The following SNAP25 variants were observed in gnomAD, a reference collection of about 807,000 sequenced individuals.
SNAP25 encodes synaptosomal-associated protein 25.
SNAP25 carries 3 observed loss-of-function variants against 28.7 expected under a neutral mutation model. The ratio of observed to expected loss-of-function variants is 0.10; its 90% CI spans 0.05 to 0.27. The LOEUF (loss-of-function observed/expected upper bound fraction) is 0.27, where lower values mean the gene tolerates loss of function less well. Among genes scored for constraint, SNAP25 ranks in the 10% least tolerant of loss-of-function variants. The probability of loss-of-function intolerance (pLI) is 1.00; values close to 1 mark genes in which losing one functional copy is unlikely to be tolerated. For missense variants in SNAP25, 117 were observed against 278.7 expected (o/e 0.42, Z 4.13); for synonymous variants, 61 against 88.1 (o/e 0.69, Z 1.72).
intron 1 of SNAP25, among the ~76,000 whole-genome samples, chr20:10,256,623 T>C (rs2063323078): frequency 6.6e-6 from 1 of 152,230 alleles, no homozygotes; most frequent in African/African-American, 2.4e-5. Context: ...TTATTTTCTT[T>C]GACCTGTAAA....
chr20:10,270,355 A>T (rs1011956423), intron 1 of SNAP25, among the ~76,000 whole-genome samples: 6 of 152,154 alleles, frequency 3.9e-5, no homozygotes, highest in African/African-American at 1.4e-4. Context: ...GAGCTACTCA[A>T]CGTGTGCTCT....
At chr20:10,230,573 C>T (rs1488328736) in intron 1 of SNAP25, among the ~76,000 whole-genome samples, 1 of 152,124 alleles carries the variant, frequency 6.6e-6, no homozygotes, top group Admixed American at 6.5e-5. Flanking sequence ...GAATCTGAAA[C>T]TCTAGGGCGA....
chr20:10,306,394 A>G lies in SNAP25; in HGVS notation c.*197A>G. On this transcript the variant is annotated 3_prime_UTR_variant, in exon 8 of 8. Coordinates refer to ENST00000254976, the MANE Select transcript of SNAP25 (RefSeq NM_130811.4). ...TTCTCTCTTGGTCTCTTTCTTTCCA[A>G]AGGTTGTACATAGTGGTCATTTGGT... 2.0e-6 allele frequency: 1 copy of G among 511,208 alleles called. No homozygotes were observed. The highest frequency in any genetic ancestry group is 3.5e-6 in the Non-Finnish European group (1 of 283,084). 31.7% of individuals were successfully genotyped at this position (511,208 alleles called of 1,614,324 possible).
chr20:10,254,428 C>T (rs2063284026), intron 1 of SNAP25, among the ~76,000 whole-genome samples: 1 of 152,182 alleles, frequency 6.6e-6, no homozygotes, highest in Admixed American at 6.5e-5. Flanking sequence ...CCTTCCTGAT[C>T]TCCCCCCAGA....
intron 1 of SNAP25, among the ~76,000 whole-genome samples, chr20:10,249,687 T>C (rs2063190828): frequency 6.6e-6 from 1 of 152,116 alleles, no homozygotes; most frequent in Non-Finnish European, 1.5e-5. Context: ...ATAGAAATGC[T>C]GATTCTAAAC....
intron 1 of SNAP25, among the ~76,000 whole-genome samples, chr20:10,244,157 A>G (rs1368763015): frequency 1.3e-5 from 2 of 152,212 alleles, no homozygotes; most frequent in Non-Finnish European, 2.9e-5. Context: ...GGTTTTGACT[A>G]TGGTGCAAAC....
At chr20:10,299,857 T>G (rs6108463) in intron 7 of SNAP25, among the ~76,000 whole-genome samples, 3 of 152,060 alleles carry the variant, frequency 2.0e-5, no homozygotes, top group African/African-American at 7.2e-5. Context: ...AATCTCAGAA[T>G]AAGTTGACTT....
chr20:10,287,038 G>A (rs144788996), intron 4 of SNAP25, among the ~76,000 whole-genome samples: 56 of 152,182 alleles, frequency 3.7e-4, no homozygotes, highest in South Asian at 8.3e-4. Flanking sequence ...CCTGATTTCC[G>A]GTGCAAAATT....
chr20:10,270,028 C>T (rs1209831264), intron 1 of SNAP25, among the ~76,000 whole-genome samples: 11 of 151,060 alleles, frequency 7.3e-5, no homozygotes, highest in Admixed American at 5.9e-4. Flanking sequence ...CCGAGGCGGG[C>T]GGATCACCTG....
intron 1 of SNAP25, among the ~76,000 whole-genome samples, chr20:10,261,023 C>G (rs577027879): frequency 4.0e-4 from 61 of 152,240 alleles, no homozygotes; most frequent in African/African-American, 1.4e-3. Context: ...CTCTTGGGTA[C>G]AGATTACAAC....
chr20:10,236,288 A>T (rs937982778), intron 1 of SNAP25, among the ~76,000 whole-genome samples: 13 of 152,198 alleles, frequency 8.5e-5, no homozygotes, highest in South Asian at 2.1e-4. Context: ...CAAGGTAACT[A>T]AGGAATCATA....
intron 1 of SNAP25, among the ~76,000 whole-genome samples, chr20:10,256,085 A>T (rs1056536518): frequency 1.3e-5 from 2 of 152,234 alleles, no homozygotes; most frequent in African/African-American, 4.8e-5. Flanking sequence ...CATCTTAGAG[A>T]GGATGAGCTT....
intron 4 of SNAP25, among the ~76,000 whole-genome samples, chr20:10,292,400 T>TTGC (rs1225046462): frequency 2.2e-4 from 33 of 152,344 alleles, no homozygotes; most frequent in Non-Finnish European, 2.9e-5. Flanking sequence ...TTGCTTATGA[T>TTGC]TGCTGCTGCT....
chr20:10,223,910 A>T (rs922442687), intron 1 of SNAP25, among the ~76,000 whole-genome samples: 1 of 152,246 alleles, frequency 6.6e-6, no homozygotes, highest in African/African-American at 2.4e-5. Context: ...ATTAGATCAC[A>T]TTTAGTAAGA....
intron 4 of SNAP25, among the ~76,000 whole-genome samples, chr20:10,289,388 T>C (rs1245355994): frequency 6.6e-6 from 1 of 152,098 alleles, no homozygotes; most frequent in Non-Finnish European, 1.5e-5. Flanking sequence ...GATGTGACTT[T>C]TGGGAAAATC....
chr20:10,252,613 A>G (rs910640240), intron 1 of SNAP25, among the ~76,000 whole-genome samples: 20 of 152,188 alleles, frequency 1.3e-4, no homozygotes, highest in African/African-American at 4.6e-4. Context: ...AAATGTGTGC[A>G]TTCGTTGTAT....
At chr20:10,299,197 A>G (rs904338926) in intron 6 of SNAP25, 71 bp from the exon 7 acceptor site, 186 of 1,536,032 alleles carry the variant, frequency 1.2e-4, no homozygotes, top group Non-Finnish European at 1.6e-4. Context: ...GATTTCCACT[A>G]TGCTTTGGGT....
At chr20:10,299,599 GA>G (rs2064187714) in intron 7 of SNAP25, among the ~76,000 whole-genome samples, 187 bp downstream of exon 7, 1 of 152,206 alleles carries the variant, frequency 6.6e-6, no homozygotes, top group Non-Finnish European at 1.5e-5. Flanking sequence ...GTGAAAATAA[GA>G]GGGTCAAATT....
chr20:10,239,973 C>A (rs1292270071), intron 1 of SNAP25, among the ~76,000 whole-genome samples: 1 of 152,218 alleles, frequency 6.6e-6, no homozygotes, highest in Non-Finnish European at 1.5e-5. Context: ...CTTAAAGCAA[C>A]ACACATTTCT....
Sources: allele counts gnomAD v4.1 joint callset (sites outside exome capture counted in the v4.1 genomes callset), GRCh38; gene constraint gnomAD v4.1.1; transcripts MANE v1.5; gene names NCBI Gene and HGNC (gene_info 2026-07-23, HGNC 2026-07-21).